Variants in BFAR observed in about 807,000 individuals in gnomAD.
The protein encoded by BFAR is RING finger protein 47.
In BFAR, 52 loss-of-function variants were observed where a neutral mutation model predicts 54.4. That is an observed-to-expected ratio of 0.96 (90% CI 0.77 to 1.21). The LOEUF is 1.21. Ranked by LOEUF, BFAR falls within the 50% of genes most tolerant of loss-of-function variation. BFAR has a pLI of 0.00. For synonymous variants in BFAR, 215 were observed against 204.3 expected, an observed-to-expected ratio of 1.05 and a Z score of -0.45; for missense variants, 571 against 534.0, an observed-to-expected ratio of 1.07 and a Z score of -0.68.
chr16:14,656,619 AG>A (rs778024750), intron 5 of BFAR, among the ~76,000 whole-genome samples: 1 of 152,122 alleles, frequency 6.6e-6, no homozygotes, highest in Non-Finnish European at 1.5e-5. Flanking sequence ...ATAACCTTAG[AG>A]GGTCATTGTG....
rs757652110 is a variant in BFAR at position 14,664,822 on chromosome 16, A to G, written c.958-47A>G. The G allele has an allele frequency of 1.9e-6, 3 of 1,550,784 alleles. No individual in the cohort carries two copies. The African/African-American group carries it at 4.1e-5, about 21-fold the overall frequency. On this transcript the variant is annotated intron_variant, in intron 6 of 7. Transcript: ENST00000261658. ...GCCTGATCATCACAATATTTTGTGTAAAAGTCAGTCCTCATGACTTTTTGC... is the reference window on the plus strand; with the variant it reads ...GCCTGATCATCACAATATTTTGTGTGAAAGTCAGTCCTCATGACTTTTTGC...
chr16:14,655,012 G>C, intron 4 of BFAR, 54 bp from the exon 5 acceptor site: 10 of 1,507,012 alleles, frequency 6.6e-6, no homozygotes, highest in Non-Finnish European at 8.9e-6. Flanking sequence ...TGAGTGTAGA[G>C]AGTTTGCTTC....
intron 2 of BFAR, among the ~76,000 whole-genome samples, chr16:14,647,381 G>A (rs890344664): frequency 6.0e-5 from 9 of 151,062 alleles, no homozygotes; most frequent in East Asian, 4.1e-4. Flanking sequence ...CACCACGCCC[G>A]GCTTAAAAAT....
chr16:14,642,559 A>G (rs1757057974), intron 1 of BFAR, among the ~76,000 whole-genome samples: 1 of 152,166 alleles, frequency 6.6e-6, no homozygotes, highest in African/African-American at 2.4e-5. Flanking sequence ...TAATATTAGC[A>G]TTTCTGTGGC....
rs2069098384 is a variant in BFAR at position 14,662,162 on chromosome 16, C to A, written c.957+97C>A. 7 of 1,375,332 alleles carry A rather than the reference C, an allele frequency of 5.1e-6. No individual in the cohort carries two copies. The Admixed American group carries it at 1.1e-4, about 21-fold the overall frequency. 85.2% of individuals were successfully genotyped at this position (1,375,332 alleles called of 1,614,324 possible). ...GGGTGCCATGTTTCTTCAGTTTGAC[C>A]CATGAACTCCTTCAGAATGTCTGGT... On this transcript the variant is annotated intron_variant, in intron 6 of 7. Coordinates refer to ENST00000261658, the MANE Select transcript of BFAR (RefSeq NM_016561.3).
intron 5 of BFAR, among the ~76,000 whole-genome samples, chr16:14,657,273 G>A (rs1199331780): frequency 2.0e-5 from 3 of 151,648 alleles, no homozygotes; most frequent in African/African-American, 7.3e-5. Context: ...TTTTGAGAGG[G>A]TGTCTCGCTC....
At chr16:14,638,837 C>G (rs528533681) in intron 1 of BFAR, among the ~76,000 whole-genome samples, 1 of 151,824 alleles carries the variant, frequency 6.6e-6, no homozygotes, top group Non-Finnish European at 1.5e-5. Flanking sequence ...CCCAGCTACT[C>G]AGGAGGCTGA....
chr16:14,642,721 A>T (rs1036466974), intron 1 of BFAR, among the ~76,000 whole-genome samples: 9 of 152,182 alleles, frequency 5.9e-5, no homozygotes, highest in Non-Finnish European at 1.0e-4. Flanking sequence ...GAGCCTCTGA[A>T]GTCAAATGTT....
intron 5 of BFAR, among the ~76,000 whole-genome samples, chr16:14,656,375 C>T (rs1264940142): frequency 1.3e-5 from 2 of 151,530 alleles, no homozygotes; most frequent in African/African-American, 2.4e-5. Flanking sequence ...AAAGTACAGA[C>T]ACAAAAAAAA....
chr16:14,648,643 C>T (rs1959876369), intron 3 of BFAR, 51 bp downstream of exon 3: 2 of 1,232,642 alleles, frequency 1.6e-6, no homozygotes, highest in Non-Finnish European at 2.2e-6. Flanking sequence ...CACCCCCCGA[C>T]CCCTGATTTC....
At chr16:14,667,448 G>T in intron 7 of BFAR, 187 bp from the exon 8 acceptor site, 1 of 587,560 alleles carries the variant, frequency 1.7e-6, no homozygotes, top group East Asian at 2.8e-5. Context: ...CTCCCTGTAG[G>T]TCATGTCCTT....
At chr16:14,651,712 TCAAA>T (rs771231893) in intron 4 of BFAR, among the ~76,000 whole-genome samples, 26 of 151,790 alleles carry the variant, frequency 1.7e-4, no homozygotes, top group African/African-American at 5.8e-4. Flanking sequence ...ACTCCTAGAC[TCAAA>T]CAATCCACCC....
chr16:14,635,314 G>A (rs538117985), intron 1 of BFAR, among the ~76,000 whole-genome samples: 124 of 152,272 alleles, frequency 8.1e-4, no homozygotes, highest in Non-Finnish European at 1.4e-3. Context: ...CAGCCTGGGC[G>A]ACAGAGTGAG....
chr16:14,642,801 A>G (rs1014136253), intron 1 of BFAR, among the ~76,000 whole-genome samples: 1 of 152,228 alleles, frequency 6.6e-6, no homozygotes, highest in African/African-American at 2.4e-5. Flanking sequence ...CAGGAAGCAT[A>G]TCTGTTGTTA....
chr16:14,646,429 C>G (rs1341735735), intron 2 of BFAR, among the ~76,000 whole-genome samples: 1 of 152,130 alleles, frequency 6.6e-6, no homozygotes, highest in Non-Finnish European at 1.5e-5. Context: ...CTTTAGTGAT[C>G]CGCCCGTCTT....
At chr16:14,662,172 C>T (rs1390785924) in intron 6 of BFAR, 107 bp downstream of exon 6, 1 of 1,295,528 alleles carries the variant, frequency 7.7e-7, no homozygotes, top group African/African-American at 1.5e-5. Context: ...CCATGAACTC[C>T]TTCAGAATGT....
At chr16:14,648,671 TTGAAATCAC>T (rs1959876904) in intron 3 of BFAR, 79 bp downstream of exon 3, 1 of 1,005,116 alleles carries the variant, frequency 9.9e-7, no homozygotes, top group African/African-American at 1.7e-5. Flanking sequence ...GTCAGTTCTG[TTGAAATCAC>T]TGAAATAATT....
At chr16:14,661,604 T>C (rs986154423) in intron 5 of BFAR, among the ~76,000 whole-genome samples, 2 of 151,950 alleles carry the variant, frequency 1.3e-5, no homozygotes, top group Non-Finnish European at 1.5e-5. Context: ...CATTTCACCA[T>C]GTTGGCCAGG....
intron 6 of BFAR, among the ~76,000 whole-genome samples, chr16:14,664,390 C>CAAAAAAAAAA (rs753783830): frequency 1.7e-5 from 1 of 58,098 alleles, no homozygotes; most frequent in Non-Finnish European, 3.6e-5. Context: ...GACTCCGTCT[C>CAAAAAAAAAA]AAAAAAAAAA....
Sources: allele counts gnomAD v4.1 joint callset (sites outside exome capture counted in the v4.1 genomes callset), GRCh38; gene constraint gnomAD v4.1.1; transcripts MANE v1.5; gene names NCBI Gene and HGNC (gene_info 2026-07-23, HGNC 2026-07-21).